The following VPS13B variants were observed in gnomAD, a reference collection of about 807,000 sequenced individuals.
The protein encoded by VPS13B is intermembrane lipid transfer protein VPS13B.
VPS13B carries 285 observed loss-of-function variants against 426.4 expected under a neutral mutation model. That is an observed-to-expected ratio of 0.67 (90% CI 0.61 to 0.74). The LOEUF is 0.74. VPS13B is among the 30% of genes least tolerant of loss of function. VPS13B has a pLI of 0.00. For missense variants in VPS13B, 4,537 were observed against 4,782.6 expected (o/e 0.95, Z 1.51); for synonymous variants, 1,676 against 1,676.4 (o/e 1.00, Z 0.01).
intron 31 of VPS13B, among the ~76,000 whole-genome samples, chr8:99,559,021 C>T (rs1824747024): frequency 6.6e-6 from 1 of 152,130 alleles, no homozygotes; most frequent in Admixed American, 6.5e-5. Context: ...TTTACAGTCC[C>T]ACCAACAGTG....
intron 21 of VPS13B, among the ~76,000 whole-genome samples, chr8:99,430,294 A>C (rs1358926661): frequency 2.0e-5 from 3 of 152,188 alleles, no homozygotes; most frequent in South Asian, 4.1e-4. Flanking sequence ...AACTAGTCAT[A>C]TATCACCACA....
chr8:99,286,180 T>G (rs1046772577), intron 19 of VPS13B, among the ~76,000 whole-genome samples: 32 of 152,208 alleles, frequency 2.1e-4, no homozygotes, highest in Admixed American at 3.3e-4. Context: ...AACTAGTGTA[T>G]GATAGGTATT....
intron 33 of VPS13B, among the ~76,000 whole-genome samples, chr8:99,586,367 G>A (rs1588521117): frequency 6.6e-6 from 1 of 151,946 alleles, no homozygotes; most frequent in African/African-American, 2.4e-5. Context: ...TCTTAGACTG[G>A]GTCAGTCAGC....
intron 17 of VPS13B, among the ~76,000 whole-genome samples, chr8:99,250,189 C>T (rs1376758062): frequency 6.6e-6 from 1 of 152,084 alleles, no homozygotes. Context: ...AATGCTTGTT[C>T]ATGTTTTTAG....
chr8:99,313,330 G>T (rs1302055187), intron 19 of VPS13B, among the ~76,000 whole-genome samples: 7 of 152,182 alleles, frequency 4.6e-5, no homozygotes, highest in African/African-American at 1.7e-4. Flanking sequence ...TGATGGTGAT[G>T]TACATATGGG....
At chr8:99,299,052 C>CTTT (rs11302301) in intron 19 of VPS13B, among the ~76,000 whole-genome samples, 6 of 55,038 alleles carry the variant, frequency 1.1e-4, no homozygotes, top group African/African-American at 4.3e-4. Context: ...TATTCCACCA[C>CTTT]TTTTTTTTTT....
At chr8:99,106,586 T>C (rs577399233) in intron 5 of VPS13B, among the ~76,000 whole-genome samples, 3 of 152,104 alleles carry the variant, frequency 2.0e-5, no homozygotes, top group African/African-American at 4.8e-5. Context: ...GTTGTACATA[T>C]ACTCACTTAC....
rs576588938 is a variant in VPS13B at position 99,829,216 on chromosome 8, C to T, written c.9331-3153C>T. 2.6e-4 allele frequency among the ~76,000 whole-genome samples: 39 copies of T among 152,258 alleles called. No individual in the cohort carries two copies. In the South Asian group the frequency reaches 3.3e-3, roughly 13 times the overall value. On this transcript the variant is annotated intron_variant, in intron 51 of 61. Transcript: ENST00000357162. The stretch of plus-strand genomic sequence containing the variant: ...TTTTCCAGCTTGGTTCCATTCTCCC[C>T]GTCACTTTTAGGTACACCAATCAAA...
intron 16 of VPS13B, among the ~76,000 whole-genome samples, chr8:99,175,067 T>C (rs1201802911): frequency 2.0e-5 from 3 of 152,214 alleles, no homozygotes; most frequent in African/African-American, 4.8e-5. Context: ...GTGATAGGAA[T>C]TGAAATATAG....
At position 99,871,622 on chromosome 8, in the gene VPS13B, C is replaced by CG. The variant is rs759940146; in HGVS notation, c.11670_11671insG (p.Cys3891ValfsTer23). ...AGGCCTTCCCCGTCACAGAAATCGA[C>CG]TGTGCACAGGACAGCAAGCAGAACA... is the stretch of plus-strand genomic sequence containing the variant. On this transcript the variant is annotated frameshift_variant, in exon 61 of 62. Coordinates refer to ENST00000357162, the MANE Select transcript of VPS13B (RefSeq NM_152564.5). LOFTEE classifies it high-confidence loss of function. 1 of 1,614,226 alleles carries CG rather than the reference C, an allele frequency of 6.2e-7. No individual in the cohort carries two copies. The highest frequency in any genetic ancestry group is 8.5e-7 in the Non-Finnish European group (1 of 1,180,052).
Position 99,467,454 on chromosome 8 carries a change from C to CAT in VPS13B, c.3492_3493dup (p.Thr1165IlefsTer8), listed in dbSNP as rs2133510772. ...GGACGATCAGCTTGCATAATTTCAG[C>CAT]ATATATACCCTTCTTGGAAAACAAG... On this transcript the variant is annotated frameshift_variant, in exon 24 of 62. Transcript: ENST00000357162. LOFTEE classifies it high-confidence loss of function. 6.2e-7 allele frequency: 1 copy of CAT among 1,613,734 alleles called. No homozygotes were observed. Among genetic ancestry groups the CAT allele is most frequent in the Non-Finnish European group, 8.5e-7 (1 of 1,179,746 alleles).
At chr8:99,233,361 T>C (rs1816453179) in intron 17 of VPS13B, 2 of 1,068,948 alleles carry the variant, frequency 1.9e-6, no homozygotes, top group East Asian at 4.7e-5. Flanking sequence ...TTTCTTCTTT[T>C]AGTTTCCCGA....
chr8:99,829,378 G>A (rs1814914645), intron 51 of VPS13B, among the ~76,000 whole-genome samples: 1 of 152,040 alleles, frequency 6.6e-6, no homozygotes, highest in Admixed American at 6.5e-5. Flanking sequence ...TCTTCCACCT[G>A]ATCAATTCGG....
chr8:99,314,749 C>T (rs1821216382), intron 19 of VPS13B, among the ~76,000 whole-genome samples: 1 of 152,214 alleles, frequency 6.6e-6, no homozygotes, highest in African/African-American at 2.4e-5. Flanking sequence ...CTACAGCCAG[C>T]TTATCTCCCA....
chr8:99,017,419 G>A (rs1385223064), intron 2 of VPS13B, among the ~76,000 whole-genome samples: 5 of 152,012 alleles, frequency 3.3e-5, no homozygotes, highest in Non-Finnish European at 5.9e-5. Context: ...AGTGTAATTA[G>A]TACAACTTTG....
intron 21 of VPS13B, among the ~76,000 whole-genome samples, chr8:99,425,526 T>C (rs1816647221): frequency 6.6e-6 from 1 of 152,172 alleles, no homozygotes; most frequent in African/African-American, 2.4e-5. Context: ...CCCTTCATAC[T>C]AAAAACTCTC....
chr8:99,781,332 A>C (rs949966086), intron 42 of VPS13B, among the ~76,000 whole-genome samples: 4 of 152,192 alleles, frequency 2.6e-5, no homozygotes, highest in Admixed American at 2.6e-4. Context: ...TCTTAAATTA[A>C]GGTTACACTT....
At chr8:99,154,369 T>C (rs1051234264) in intron 14 of VPS13B, among the ~76,000 whole-genome samples, 4 of 151,992 alleles carry the variant, frequency 2.6e-5, no homozygotes, top group African/African-American at 9.7e-5. Flanking sequence ...TATTCCGGGT[T>C]TTTTTTTGGT....
At chr8:99,445,865 A>G (rs2133448432) in intron 23 of VPS13B, among the ~76,000 whole-genome samples, 2 of 152,358 alleles carry the variant, frequency 1.3e-5, no homozygotes, top group Middle Eastern at 6.8e-3. Flanking sequence ...TGGCATATAT[A>G]GAATAAGGCA....
Sources: allele counts gnomAD v4.1 joint callset (sites outside exome capture counted in the v4.1 genomes callset), GRCh38; gene constraint gnomAD v4.1.1; transcripts MANE v1.5; gene names NCBI Gene and HGNC (gene_info 2026-07-23, HGNC 2026-07-21).